The following METTL9 variants were observed in gnomAD, a reference collection of about 807,000 sequenced individuals.
METTL9 encodes the protein protein-L-histidine N-pros-methyltransferase.
METTL9 carries 10 observed loss-of-function variants against 36.0 expected under a neutral mutation model. That is an observed-to-expected ratio of 0.28 (90% CI 0.17 to 0.47). METTL9 has a LOEUF of 0.47. METTL9 is among the 20% of genes least tolerant of loss of function. METTL9 has a pLI of 0.99. For missense variants in METTL9, 246 were observed against 383.5 expected, an observed-to-expected ratio of 0.64 and a Z score of 3.00; for synonymous variants, 175 against 149.7, an observed-to-expected ratio of 1.17 and a Z score of -1.23.
chr16:21,647,473 A>T, intron 4 of METTL9: 1 of 1,612,000 alleles, frequency 6.2e-7, no homozygotes, highest in Non-Finnish European at 8.5e-7. Context: ...TGACAGAGAG[A>T]GTACAGGCGC....
chr16:21,640,115 A>G (rs1288137175), intron 4 of METTL9: 1 of 149,090 alleles, frequency 6.7e-6, no homozygotes, highest in Non-Finnish European at 1.5e-5. Flanking sequence ...ATTTTTTTGT[A>G]TTTTTAGTAG....
intron 4 of METTL9, among the ~76,000 whole-genome samples, chr16:21,637,360 G>A (rs1016539102): frequency 1.3e-5 from 2 of 152,008 alleles, no homozygotes; most frequent in Non-Finnish European, 2.9e-5. Flanking sequence ...TCTGCTACCC[G>A]GCTAGCTAGA....
At position 21,657,183 on chromosome 16, in the gene METTL9, C is replaced by A. The variant is rs1229995851; in HGVS notation, c.*1751C>A. On this transcript the variant is annotated 3_prime_UTR_variant, in exon 5 of 5. Transcript: ENST00000358154. ...GAAAAATACAACTCATTCTTAACCA[C>A]CCCCCCAAAACAGAGAAAACACATA... 2.0e-5 allele frequency: 3 copies of A among 151,504 alleles called. No individual in the cohort carries two copies. Among genetic ancestry groups the A allele is most frequent in the African/African-American group, 4.9e-5 (2 of 40,928 alleles). 9.4% of individuals were successfully genotyped at this position (151,504 alleles called of 1,614,324 possible). A position where few individuals can be genotyped will look rare whatever the true frequency, so the allele number is the denominator to read the frequency against.
Position 21,600,037 on chromosome 16 carries a change from C to T in METTL9, c.165+139C>T, listed in dbSNP as rs563966235. ...CGCCTCGGCCCCTTGGAAAGTTTTCCCCGCGCCTTCCCCGCCGGGCGTCGA... is the reference window on the plus strand; with the variant it reads ...CGCCTCGGCCCCTTGGAAAGTTTTCTCCGCGCCTTCCCCGCCGGGCGTCGA... On this transcript the variant is annotated intron_variant, in intron 1 of 4. Transcript: ENST00000358154. 6.3e-5 allele frequency: 48 copies of T among 767,096 alleles called. No homozygotes were observed. The South Asian group carries it at 1.3e-3, about 21-fold the overall frequency. The allele number at this position is 767,096 out of a possible 1,614,324, so 47.5% of individuals were successfully genotyped here.
chr16:21,649,867 C>A (rs1289165322), intron 4 of METTL9, among the ~76,000 whole-genome samples: 3 of 152,012 alleles, frequency 2.0e-5, no homozygotes, highest in Admixed American at 6.6e-5. Flanking sequence ...CACCACCACG[C>A]CTGGCTAATT....
chr16:21,624,090 A>T (rs531616153), intron 3 of METTL9, among the ~76,000 whole-genome samples: 1 of 152,142 alleles, frequency 6.6e-6, no homozygotes. Flanking sequence ...AGTTATTCAG[A>T]TATGAAGATT....
chr16:21,632,034 G>A (rs989557494), intron 4 of METTL9, among the ~76,000 whole-genome samples: 2 of 151,772 alleles, frequency 1.3e-5, no homozygotes, highest in African/African-American at 4.8e-5. Context: ...CCTTTCTGCT[G>A]GTTTTTCCCT....
chr16:21,642,538 A>G (rs1966299719), intron 4 of METTL9: 2 of 152,308 alleles, frequency 1.3e-5, no homozygotes, highest in Non-Finnish European at 2.9e-5. Flanking sequence ...ACCTGTTTAT[A>G]TAAGACTTTA....
intron 4 of METTL9, among the ~76,000 whole-genome samples, chr16:21,628,478 C>A (rs1252099023): frequency 6.6e-6 from 1 of 152,066 alleles, no homozygotes; most frequent in Admixed American, 6.6e-5. Context: ...TGTCCTCCCC[C>A]ACTTTTTTTT....
At position 21,617,860 on chromosome 16, in the gene METTL9, T is replaced by C. The variant is rs1389103129; in HGVS notation, c.357-5T>C. The C allele has an allele frequency of 3.7e-6, 6 of 1,613,248 alleles. No individual in the cohort carries two copies. Among genetic ancestry groups the C allele is most frequent in the African/African-American group, 1.3e-5 (1 of 74,910 alleles). The stretch of plus-strand genomic sequence containing the variant: ...ACTTCCATTTTTGTCCTTTTTTTCT[T>C]TCAGGTTGCTAGGAAGAGGCTCAAT... On this transcript the variant is annotated splice_polypyrimidine_tract_variant and splice_region_variant and intron_variant, in intron 2 of 4. Coordinates refer to ENST00000358154, the MANE Select transcript of METTL9 (RefSeq NM_016025.5).
At chr16:21,641,213 A>G (rs965989008) in intron 4 of METTL9, 1 of 188,934 alleles carries the variant, frequency 5.3e-6, no homozygotes, top group African/African-American at 2.3e-5. Context: ...ACTGAGGCAC[A>G]TGGTTTGGCT....
intron 2 of METTL9, among the ~76,000 whole-genome samples, chr16:21,616,406 G>A (rs1353003073): frequency 6.6e-6 from 1 of 152,196 alleles, no homozygotes; most frequent in Non-Finnish European, 1.5e-5. Flanking sequence ...AAAGGGTTCT[G>A]CTGCTTAAAG....
intron 1 of METTL9, among the ~76,000 whole-genome samples, chr16:21,605,322 C>T (rs1246689537): frequency 9.4e-6 from 1 of 106,300 alleles, no homozygotes; most frequent in Non-Finnish European, 1.8e-5. Flanking sequence ...ACTCTGTCAC[C>T]CAAGTTGGAA....
chr16:21,599,743 C>T lies in METTL9; in HGVS notation c.10C>T (p.Leu4=), dbSNP rs1477287303. The change falls in exon 1 of 5, where the codon CTG becomes TTG. Residue 4 remains leucine (L), a synonymous_variant. Transcript: ENST00000358154. This position sits in a 1 kb window ranked among gnomAD's most constrained non-coding sequence, Gnocchi z 4.4. MRL[L]AGWLCLSLAS... is the part of the protein sequence containing the mutation. ...GCGGCCGCGGCCCCCGATGAGACTG[C>T]TGGCGGGCTGGCTGTGCCTGAGCCT... The T allele has an allele frequency of 1.3e-6, 2 of 1,521,222 alleles. No individual in the cohort carries two copies. The highest frequency in any genetic ancestry group is 2.1e-5 in the Admixed American group (1 of 48,458). The allele number at this position is 1,521,222 out of a possible 1,614,324, so 94.2% of individuals were successfully genotyped here.
rs1966730567 is a variant in METTL9, at chr16:21,657,244, A to C, written c.*1812A>C. The C allele has an allele frequency of 6.6e-6, 1 of 152,178 alleles. No individual in the cohort carries two copies. The highest frequency in any genetic ancestry group is 1.5e-5 in the Non-Finnish European group (1 of 68,026). The allele number at this position is 152,178 out of a possible 1,614,324, so 9.4% of individuals were successfully genotyped here. A position where few individuals can be genotyped will look rare whatever the true frequency, so the allele number is the denominator to read the frequency against. The stretch of plus-strand genomic sequence containing the variant: ...TTTTAAAGATAAAAAGTAGTTTCTC[A>C]AAAAAATCTGAAGTTCTCTGAAAAC... On this transcript the variant is annotated 3_prime_UTR_variant, in exon 5 of 5. Transcript: ENST00000358154.
At chr16:21,622,975 G>A (rs1006732425) in intron 3 of METTL9, among the ~76,000 whole-genome samples, 5 of 152,134 alleles carry the variant, frequency 3.3e-5, no homozygotes, top group Admixed American at 3.3e-4. Flanking sequence ...CTTAGCTAAG[G>A]CGTTAATATA....
intron 4 of METTL9, chr16:21,641,335 G>A: frequency 5.1e-6 from 2 of 389,754 alleles, no homozygotes; most frequent in Non-Finnish European, 9.2e-6. Context: ...GTATTTTTCA[G>A]TTGCATTTTG....
chr16:21,597,342 T>C (rs1270074574), upstream of METTL9: 3 of 1,238,936 alleles, frequency 2.4e-6, no homozygotes, highest in Non-Finnish European at 3.2e-6. Context: ...GGCAAATCAT[T>C]TGATCATCGG....
chr16:21,651,083 T>C (rs895548908), intron 4 of METTL9, among the ~76,000 whole-genome samples: 1 of 151,662 alleles, frequency 6.6e-6, no homozygotes, highest in African/African-American at 2.4e-5. Context: ...ATTAGCCGGG[T>C]GTGGTGGCAG....
Sources: gnomAD v4.1 joint callset for allele counts (sites outside exome capture counted in the v4.1 genomes callset) on GRCh38, gnomAD v4.1.1 for gene constraint, Gnocchi (gnomAD v3.1) non-coding constraint, MANE v1.5 for transcripts, NCBI Gene and HGNC (gene_info 2026-07-23, HGNC 2026-07-21) for gene names.